Variants in PTPRG observed in about 807,000 individuals in gnomAD.
PTPRG encodes protein tyrosine phosphatase receptor type G, also known as receptor-type tyrosine-protein phosphatase gamma.
PTPRG carries 102 observed loss-of-function variants against 165.3 expected under a neutral mutation model. The observed-to-expected ratio is 0.62, with a 90% CI of 0.53 to 0.73. The LOEUF is 0.73. PTPRG is among the 30% of genes least tolerant of loss of function. PTPRG has a pLI of 0.00. For missense variants in PTPRG, 1,866 were observed against 1,861.4 expected (o/e 1.00, Z -0.05); for synonymous variants, 675 against 669.5 (o/e 1.01, Z -0.13).
intron 2 of PTPRG, among the ~76,000 whole-genome samples, chr3:61,979,116 A>G (rs2040576608): frequency 6.7e-6 from 1 of 150,354 alleles, no homozygotes; most frequent in South Asian, 2.1e-4. Flanking sequence ...TGTTGATGTT[A>G]GTCATTTGAT....
At chr3:61,695,489 C>T (rs751680610) in intron 1 of PTPRG, among the ~76,000 whole-genome samples, 2 of 152,206 alleles carry the variant, frequency 1.3e-5, no homozygotes, top group African/African-American at 4.8e-5. Context: ...TCAATTTTCT[C>T]TCTATGAGAA....
At chr3:61,976,078 T>A (rs987363703) in intron 2 of PTPRG, among the ~76,000 whole-genome samples, 1 of 152,136 alleles carries the variant, frequency 6.6e-6, no homozygotes, top group African/African-American at 2.4e-5. Context: ...TGCAATGTGC[T>A]GGAAAACATT....
At chr3:62,212,223 AG>A (rs1192980872) in intron 12 of PTPRG, among the ~76,000 whole-genome samples, 2 of 152,124 alleles carry the variant, frequency 1.3e-5, no homozygotes, top group Non-Finnish European at 2.9e-5. Flanking sequence ...CCCTCTGAGT[AG>A]CTGTTCACCT....
intron 10 of PTPRG, among the ~76,000 whole-genome samples, chr3:62,199,864 C>T (rs75031093): frequency 2.6e-4 from 40 of 152,118 alleles, no homozygotes; most frequent in Admixed American, 9.2e-4. Context: ...GTCCATTGAC[C>T]GATGAAGGGA....
chr3:61,796,150 T>C (rs536699874), intron 2 of PTPRG, among the ~76,000 whole-genome samples: 2 of 152,080 alleles, frequency 1.3e-5, no homozygotes, highest in South Asian at 4.2e-4. Context: ...TCTCTAGGAG[T>C]CAAGGGAGCT....
intron 2 of PTPRG, among the ~76,000 whole-genome samples, chr3:61,804,790 T>G (rs2035363012): frequency 6.6e-6 from 1 of 152,226 alleles, no homozygotes; most frequent in African/African-American, 2.4e-5. Context: ...CCGGTCCCCC[T>G]TTTAAAAATA....
intron 1 of PTPRG, among the ~76,000 whole-genome samples, chr3:61,634,139 C>T (rs147834580): frequency 6.4e-4 from 98 of 151,998 alleles, no homozygotes; most frequent in African/African-American, 1.8e-3. Flanking sequence ...TGTTCTTGAA[C>T]GCCTGGCCTC....
At chr3:62,122,095 A>G (rs1703096414) in intron 5 of PTPRG, among the ~76,000 whole-genome samples, 1 of 152,116 alleles carries the variant, frequency 6.6e-6, no homozygotes, top group Admixed American at 6.6e-5. Context: ...TAATTTGTGG[A>G]TTTTGAGATG....
At chr3:62,284,158 CGGTAGTACTCCGA>C (rs1331330349) in intron 28 of PTPRG, among the ~76,000 whole-genome samples, 1 of 151,666 alleles carries the variant, frequency 6.6e-6, no homozygotes, top group African/African-American at 2.4e-5. Context: ...TTTGCTGTTA[CGGTAGTACTCCGA>C]GGTGTTTTGT....
rs1045553363 is a variant in PTPRG at position 62,224,038 on chromosome 3, T to A, written c.2288+5055T>A. On this transcript the variant is annotated intron_variant, in intron 13 of 29. Transcript: ENST00000474889. This position sits in a 1 kb window ranked among gnomAD's most constrained non-coding sequence, Gnocchi z 4.9. ...GGTTAACCAACTGAGCAGAACCACT[T>A]TGGGCCAAAAAAGGAAAGGGGTGAC... 6.6e-6 allele frequency among the ~76,000 whole-genome samples: 1 copy of A among 152,014 alleles called. No individual in the cohort carries two copies. Among genetic ancestry groups the A allele is most frequent in the African/African-American group, 2.4e-5 (1 of 41,392 alleles).
At chr3:62,040,120 G>C (rs931040709) in intron 4 of PTPRG, among the ~76,000 whole-genome samples, 5 of 152,152 alleles carry the variant, frequency 3.3e-5, no homozygotes, top group Non-Finnish European at 5.9e-5. Context: ...ATAAAATATA[G>C]CATGAGCGTT....
chr3:61,650,080 A>G (rs1702309093), intron 1 of PTPRG, among the ~76,000 whole-genome samples: 1 of 152,184 alleles, frequency 6.6e-6, no homozygotes, highest in Non-Finnish European at 1.5e-5. Flanking sequence ...TTCTTCCCAG[A>G]AGGAAAAATA....
chr3:62,209,307 C>G (rs929400076), intron 12 of PTPRG, among the ~76,000 whole-genome samples: 4 of 152,024 alleles, frequency 2.6e-5, no homozygotes, highest in Non-Finnish European at 5.9e-5. Flanking sequence ...AGGACAGCTC[C>G]ACAACAGGAA....
chr3:61,973,977 AT>A (rs1387287545), intron 2 of PTPRG, among the ~76,000 whole-genome samples: 1 of 151,340 alleles, frequency 6.6e-6, no homozygotes, highest in East Asian at 1.9e-4. Context: ...ACTGTCAGAG[AT>A]TTTTTTTTCA....
intron 1 of PTPRG, among the ~76,000 whole-genome samples, chr3:61,696,750 G>C (rs2030625350): frequency 6.6e-6 from 1 of 152,150 alleles, no homozygotes; most frequent in Admixed American, 6.5e-5. Context: ...CCCTTTTCTG[G>C]CTTTAGCCAG....
intron 1 of PTPRG, among the ~76,000 whole-genome samples, chr3:61,568,206 C>T (rs895214954): frequency 3.9e-5 from 6 of 152,164 alleles, no homozygotes; most frequent in African/African-American, 9.7e-5. Context: ...CCTGTATTTA[C>T]GTCTCCTTGC....
At chr3:62,185,515 C>T (rs749575303) in intron 8 of PTPRG, among the ~76,000 whole-genome samples, 6 of 152,082 alleles carry the variant, frequency 3.9e-5, no homozygotes, top group Non-Finnish European at 8.8e-5. Flanking sequence ...GAAAACTCAC[C>T]TCGCCTTGGG....
intron 2 of PTPRG, among the ~76,000 whole-genome samples, chr3:61,845,213 C>T (rs2036773649): frequency 6.6e-6 from 1 of 152,096 alleles, no homozygotes; most frequent in Non-Finnish European, 1.5e-5. Flanking sequence ...TGCCAAATAC[C>T]TGGTAGGTGC....
intron 3 of PTPRG, 113 bp from the exon 4 acceptor site, chr3:62,003,236 T>C: frequency 8.0e-7 from 1 of 1,242,442 alleles, no homozygotes; most frequent in South Asian, 1.5e-5. Flanking sequence ...CATAGGTACA[T>C]GAGGACATAA....
Sources: allele counts gnomAD v4.1 joint callset (sites outside exome capture counted in the v4.1 genomes callset), GRCh38; gene constraint gnomAD v4.1.1; non-coding constraint Gnocchi (gnomAD v3.1); transcripts MANE v1.5; gene names NCBI Gene and HGNC (gene_info 2026-07-23, HGNC 2026-07-21).